Variants in GLIS3 observed in about 807,000 individuals in gnomAD.
The protein encoded by GLIS3 is zinc finger protein GLIS3.
Under a neutral mutation model 78.6 loss-of-function variants are expected in GLIS3, and 53 were observed. That is an observed-to-expected ratio of 0.67 (90% CI 0.54 to 0.85). The LOEUF is 0.85. GLIS3 is among the 40% of genes least tolerant of loss of function. The pLI is 0.00. For missense variants in GLIS3, 1,703 were observed against 1,231.1 expected, an observed-to-expected ratio of 1.38 and a Z score of -5.74; for synonymous variants, 684 against 509.9, an observed-to-expected ratio of 1.34 and a Z score of -4.60.
chr9:4,361,914 G>C, the GLIS3 span, among the ~76,000 whole-genome samples: 2 of 152,198 alleles, frequency 1.3e-5, no homozygotes, highest in African/African-American at 4.8e-5. Context: ...TGCAAGTTTG[G>C]AATGTTATCT....
At chr9:4,416,806 T>C in the GLIS3 span, among the ~76,000 whole-genome samples, 3 of 140,298 alleles carry the variant, frequency 2.1e-5, no homozygotes, top group Admixed American at 7.9e-5. Flanking sequence ...AACATTCCCA[T>C]AGTCAGTTTT....
intron 2 of GLIS3, among the ~76,000 whole-genome samples, chr9:4,277,938 C>T (rs894298993): frequency 2.6e-5 from 4 of 152,150 alleles, no homozygotes; most frequent in African/African-American, 9.7e-5. Flanking sequence ...TAATAAGTTG[C>T]CAACTGCACC....
chr9:4,093,150 G>A (rs1564035863), intron 4 of GLIS3, among the ~76,000 whole-genome samples: 1 of 152,124 alleles, frequency 6.6e-6, no homozygotes, highest in Non-Finnish European at 1.5e-5. Context: ...GAGGTACTAA[G>A]TGGAAAAGTA....
At chr9:4,300,980 A>G (rs1464964913), upstream of GLIS3, among the ~76,000 whole-genome samples, 1 of 152,084 alleles carries the variant, frequency 6.6e-6, no homozygotes, top group East Asian at 1.9e-4. Flanking sequence ...TTCTACTGTT[A>G]CCACTCCAAT....
At chr9:4,248,025 A>G (rs1294077026) in intron 2 of GLIS3, among the ~76,000 whole-genome samples, 3 of 152,142 alleles carry the variant, frequency 2.0e-5, no homozygotes, top group Non-Finnish European at 4.4e-5. Context: ...TGGACCAGTA[A>G]TTCCCCATCC....
At chr9:4,455,521 T>C in the GLIS3 span, among the ~76,000 whole-genome samples, 2 of 152,178 alleles carry the variant, frequency 1.3e-5, no homozygotes, top group Non-Finnish European at 2.9e-5. Flanking sequence ...CTAAACAAGT[T>C]ATCCTGGGTG....
chr9:3,850,904 A>C (rs1398768362), intron 9 of GLIS3, among the ~76,000 whole-genome samples: 1 of 152,178 alleles, frequency 6.6e-6, no homozygotes, highest in African/African-American at 2.4e-5. Context: ...TTTATCTTCA[A>C]AACCCTCTTC....
intron 7 of GLIS3, among the ~76,000 whole-genome samples, chr9:3,888,974 C>T (rs1267276524): frequency 6.6e-6 from 1 of 152,098 alleles, no homozygotes; most frequent in Non-Finnish European, 1.5e-5. Flanking sequence ...CTAGATGGGT[C>T]CCTAAAGTTC....
chr9:4,033,698 G>C (rs190366288), intron 4 of GLIS3, among the ~76,000 whole-genome samples: 1 of 151,952 alleles, frequency 6.6e-6, no homozygotes, highest in Non-Finnish European at 1.5e-5. Context: ...TCAAGGGCAG[G>C]TACTAAAACA....
At chr9:4,358,666 C>T in the GLIS3 span, among the ~76,000 whole-genome samples, 3 of 152,014 alleles carry the variant, frequency 2.0e-5, no homozygotes, top group East Asian at 5.8e-4. Context: ...CTTGGCATGC[C>T]TTGTACAGTA....
At chr9:4,426,779 G>A in the GLIS3 span, among the ~76,000 whole-genome samples, 3 of 152,176 alleles carry the variant, frequency 2.0e-5, no homozygotes, top group Non-Finnish European at 4.4e-5. Context: ...CTTCAGTTCC[G>A]TCATTGGTAA....
At chr9:4,235,225 G>A (rs2131377190) in intron 2 of GLIS3, among the ~76,000 whole-genome samples, 1 of 151,776 alleles carries the variant, frequency 6.6e-6, no homozygotes, top group East Asian at 1.9e-4. Context: ...CTTGAACCCG[G>A]GAGGCGGAGG....
intron 1 of GLIS3, chr9:4,298,514 G>C (rs1039808091): frequency 1.2e-5 from 5 of 434,598 alleles, no homozygotes; most frequent in Non-Finnish European, 1.8e-5. Context: ...GGGGCAAGGT[G>C]TGTGTCTAGG....
chr9:3,944,318 CT>C (rs1816143822), intron 4 of GLIS3, among the ~76,000 whole-genome samples: 1 of 152,176 alleles, frequency 6.6e-6, no homozygotes, highest in East Asian at 1.9e-4. Flanking sequence ...TCGAAAGGTT[CT>C]GGGGACAAAT....
At chr9:4,298,990 C>G (rs1231209068) in intron 1 of GLIS3, among the ~76,000 whole-genome samples, 1 of 152,200 alleles carries the variant, frequency 6.6e-6, no homozygotes, top group African/African-American at 2.4e-5. Context: ...CCCACTTCGC[C>G]AAAGTTTCCC....
chr9:3,950,712 C>A lies in GLIS3; in HGVS notation c.1711-13523G>T, dbSNP rs150300147. Among the ~76,000 whole-genome samples, 532 of 152,296 alleles carry A rather than the reference C, an allele frequency of 3.5e-3. 5 individuals are homozygous for A. The highest frequency in any genetic ancestry group is 0.012 in the African/African-American group (488 of 41,572). ...ATAGCATCCTCATGGAACGTGAGTC[C>A]GCTAGGACAGGAACCAGGCTTGTCC... On this transcript the variant is annotated intron_variant, in intron 4 of 10. Transcript: ENST00000381971.
chr9:4,206,544 A>G (rs991180483), intron 2 of GLIS3, among the ~76,000 whole-genome samples: 10 of 152,240 alleles, frequency 6.6e-5, no homozygotes, highest in African/African-American at 1.9e-4. Context: ...GGACATTTAA[A>G]TAAACTACAA....
At chr9:4,091,949 A>G (rs990958054) in intron 4 of GLIS3, among the ~76,000 whole-genome samples, 1 of 152,088 alleles carries the variant, frequency 6.6e-6, no homozygotes, top group Non-Finnish European at 1.5e-5. Context: ...AAAATGATAC[A>G]CTTGTATAGA....
intron 5 of GLIS3, among the ~76,000 whole-genome samples, chr9:3,933,938 T>A (rs1825755096): frequency 6.6e-6 from 1 of 152,226 alleles, no homozygotes; most frequent in South Asian, 2.1e-4. Flanking sequence ...TGTTTGATTA[T>A]CTGCTGTGTT....
Sources: gnomAD v4.1 joint callset for allele counts (sites outside exome capture counted in the v4.1 genomes callset) on GRCh38, gnomAD v4.1.1 for gene constraint, MANE v1.5 for transcripts, NCBI Gene and HGNC (gene_info 2026-07-23, HGNC 2026-07-21) for gene names.